PTN: variants seen among roughly 807,000 people sequenced by gnomAD.
The protein encoded by PTN is heparin affin regulatory protein.
Under a neutral mutation model 24.1 loss-of-function variants are expected in PTN, and 18 were observed. The ratio of observed to expected loss-of-function variants is 0.75; its 90% CI spans 0.52 to 1.11. The LOEUF (loss-of-function observed/expected upper bound fraction) is 1.11. Among genes scored for constraint, PTN ranks in the 50% least tolerant of loss-of-function variants. PTN has a pLI of 0.00. For missense variants in PTN, 163 were observed against 198.8 expected, an observed-to-expected ratio of 0.82 and a Z score of 1.08; for synonymous variants, 78 against 68.6, an observed-to-expected ratio of 1.14 and a Z score of -0.67.
intron 4 of PTN, among the ~76,000 whole-genome samples, chr7:137,242,535 G>A (rs1808648896): frequency 6.6e-6 from 1 of 152,146 alleles, no homozygotes; most frequent in African/African-American, 2.4e-5. Flanking sequence ...CTTGGTAGCT[G>A]GCTTATCTGT....
At chr7:137,256,205 T>A (rs1163725107) in intron 1 of PTN, among the ~76,000 whole-genome samples, 1 of 152,208 alleles carries the variant, frequency 6.6e-6, no homozygotes, top group African/African-American at 2.4e-5. Flanking sequence ...TTTTTAATTT[T>A]ACTTTAAGTT....
chr7:137,267,979 A>AGCAATTC (rs1809189910), intron 1 of PTN, among the ~76,000 whole-genome samples: 1 of 152,052 alleles, frequency 6.6e-6, no homozygotes, highest in African/African-American at 2.4e-5. Context: ...AACCAAGTCA[A>AGCAATTC]AACAAAAACA....
intron 1 of PTN, among the ~76,000 whole-genome samples, chr7:137,316,821 CT>C (rs1562921239): frequency 1.3e-5 from 2 of 152,144 alleles, no homozygotes; most frequent in African/African-American, 4.8e-5. Context: ...AAGAACAGGG[CT>C]GCACTCATGA....
At chr7:137,246,388 T>C (rs1808724011) in intron 4 of PTN, among the ~76,000 whole-genome samples, 1 of 152,172 alleles carries the variant, frequency 6.6e-6, no homozygotes, top group Non-Finnish European at 1.5e-5. Context: ...GTGCACCCTA[T>C]GATGTTCACA....
intron 4 of PTN, among the ~76,000 whole-genome samples, chr7:137,247,415 A>G (rs777749018): frequency 1.3e-5 from 2 of 152,248 alleles, no homozygotes; most frequent in Non-Finnish European, 2.9e-5. Flanking sequence ...TAAGACAGGC[A>G]CAGAAAGAGA....
At position 137,254,981 on chromosome 7, in the gene PTN, A is replaced by C; in HGVS notation, c.-1-7T>G. Reference sequence around the variant, plus strand: ...GTACTGTTGAGCCTGCATTCTAGGAATAAACAGAGAAAGAGAAGAAGGTGG... The same window carrying C: ...GTACTGTTGAGCCTGCATTCTAGGACTAAACAGAGAAAGAGAAGAAGGTGG... On this transcript the variant is annotated splice_region_variant and splice_polypyrimidine_tract_variant and intron_variant, in intron 1 of 4. Transcript: ENST00000348225. 1 of 1,514,622 alleles carries C rather than the reference A, an allele frequency of 6.6e-7. No individual in the cohort carries two copies. The highest frequency in any genetic ancestry group is 9.0e-7 in the Non-Finnish European group (1 of 1,110,196). The allele number at this position is 1,514,622 out of a possible 1,614,324, so 93.8% of individuals were successfully genotyped here. A position where few individuals can be genotyped will look rare whatever the true frequency, so the allele number is the denominator to read the frequency against.
intron 2 of PTN, among the ~76,000 whole-genome samples, chr7:137,254,112 A>T (rs547336757): frequency 6.6e-6 from 1 of 152,254 alleles, no homozygotes; most frequent in Non-Finnish European, 1.5e-5. Flanking sequence ...ATCCTGGCTA[A>T]CATGGTGAAA....
intron 1 of PTN, among the ~76,000 whole-genome samples, chr7:137,312,077 A>G (rs1468466969): frequency 6.6e-6 from 1 of 152,184 alleles, no homozygotes; most frequent in Non-Finnish European, 1.5e-5. Flanking sequence ...CACAGGTGGC[A>G]ACTCCTAATC....
At chr7:137,234,238 C>T (rs1808481122) in intron 4 of PTN, among the ~76,000 whole-genome samples, 1 of 151,804 alleles carries the variant, frequency 6.6e-6, no homozygotes, top group African/African-American at 2.4e-5. Flanking sequence ...ATCTTTTGTA[C>T]ATCAGTTGGA....
chr7:137,302,564 A>G (rs1478520938), intron 1 of PTN, among the ~76,000 whole-genome samples: 2 of 151,986 alleles, frequency 1.3e-5, no homozygotes, highest in African/African-American at 4.8e-5. Context: ...TTATGGAACT[A>G]TCAGTGCCCT....
At position 137,227,917 on chromosome 7, in the gene PTN, G is replaced by A. The variant is rs1258629001; in HGVS notation, c.*103C>T. The stretch of plus-strand genomic sequence containing the variant: ...TTTGTTTTTGCTTATTGTGTACTTA[G>A]CTATAGATAATTTTTGAATACAAAG... On this transcript the variant is annotated 3_prime_UTR_variant, in exon 5 of 5. Coordinates refer to ENST00000348225, the MANE Select transcript of PTN (RefSeq NM_002825.7). 1 of 1,467,162 alleles carries A rather than the reference G, an allele frequency of 6.8e-7. No individual in the cohort carries two copies. Among genetic ancestry groups the A allele is most frequent in the Admixed American group, 2.4e-5 (1 of 41,894 alleles). The allele number at this position is 1,467,162 out of a possible 1,614,324, so 90.9% of individuals were successfully genotyped here.
intron 1 of PTN, among the ~76,000 whole-genome samples, chr7:137,279,259 A>G (rs1809425881): frequency 6.6e-6 from 1 of 152,212 alleles, no homozygotes; most frequent in Non-Finnish European, 1.5e-5. Flanking sequence ...TAACAATTGA[A>G]TGTCCATGTA....
chr7:137,311,217 G>C (rs1809976112), intron 1 of PTN, among the ~76,000 whole-genome samples: 2 of 131,838 alleles, frequency 1.5e-5, no homozygotes, highest in South Asian at 5.2e-4. Flanking sequence ...GGGTGACAGA[G>C]GGAGACTCCA....
chr7:137,259,013 T>G (rs1808985372), intron 1 of PTN, among the ~76,000 whole-genome samples: 1 of 152,090 alleles, frequency 6.6e-6, no homozygotes, highest in African/African-American at 2.4e-5. Flanking sequence ...CTGCAATCAT[T>G]CTTGTACTTG....
At chr7:137,237,446 G>C (rs1358469252) in intron 4 of PTN, among the ~76,000 whole-genome samples, 1 of 152,110 alleles carries the variant, frequency 6.6e-6, no homozygotes, top group African/African-American at 2.4e-5. Context: ...TTCGATTTCA[G>C]ACTATATTTC....
At chr7:137,298,120 A>G (rs1240758154) in intron 1 of PTN, among the ~76,000 whole-genome samples, 2 of 152,026 alleles carry the variant, frequency 1.3e-5, no homozygotes, top group East Asian at 3.9e-4. Flanking sequence ...TCCACACGCA[A>G]CTTTAAGAGC....
chr7:137,285,304 G>A (rs921047250), intron 1 of PTN, among the ~76,000 whole-genome samples: 5 of 152,070 alleles, frequency 3.3e-5, no homozygotes, highest in Admixed American at 1.3e-4. Context: ...CTATGAAGCC[G>A]GAACTAACAC....
chr7:137,291,971 A>G (rs147983721), intron 1 of PTN, among the ~76,000 whole-genome samples: 1 of 152,128 alleles, frequency 6.6e-6, no homozygotes, highest in African/African-American at 2.4e-5. Context: ...ATCCTCCTCT[A>G]ATAACCCAAT....
At chr7:137,228,861 C>A (rs1412271116) in intron 4 of PTN, among the ~76,000 whole-genome samples, 1 of 151,796 alleles carries the variant, frequency 6.6e-6, no homozygotes, top group Non-Finnish European at 1.5e-5. Flanking sequence ...TGGTCAGAAT[C>A]ACTGGGTTAG....
Sources: gnomAD v4.1 joint callset for allele counts (sites outside exome capture counted in the v4.1 genomes callset) on GRCh38, gnomAD v4.1.1 for gene constraint, MANE v1.5 for transcripts, NCBI Gene and HGNC (gene_info 2026-07-23, HGNC 2026-07-21) for gene names.